AVEN: variants seen among roughly 807,000 people sequenced by gnomAD.
AVEN encodes the protein cell death regulator Aven.
Under a neutral mutation model 38.1 loss-of-function variants are expected in AVEN, and 41 were observed. That is an observed-to-expected ratio of 1.08 (90% CI 0.84 to 1.40). The LOEUF (loss-of-function observed/expected upper bound fraction) is 1.40, where lower values mean the gene tolerates loss of function less well. Ranked by LOEUF, AVEN falls within the 40% of genes most tolerant of loss-of-function variation. The pLI, the probability that AVEN is intolerant of heterozygous loss-of-function variation, is 0.00. For missense variants in AVEN, 605 were observed against 438.8 expected, an observed-to-expected ratio of 1.38 and a Z score of -3.38; for synonymous variants, 206 against 171.8, an observed-to-expected ratio of 1.20 and a Z score of -1.56.
At chr15:33,855,347 G>C (rs1211874738), downstream of AVEN, among the ~76,000 whole-genome samples, 1 of 152,206 alleles carries the variant, frequency 6.6e-6, no homozygotes, top group African/African-American at 2.4e-5. Context: ...GGGATTACAG[G>C]CACATGCCAC....
intron 1 of AVEN, among the ~76,000 whole-genome samples, chr15:34,021,532 C>A (rs945217417): frequency 6.6e-6 from 1 of 152,060 alleles, no homozygotes; most frequent in East Asian, 1.9e-4. Flanking sequence ...TGAGCCACCG[C>A]GCCTGGCTTA....
At chr15:33,978,477 A>T (rs1016383223) in intron 2 of AVEN, among the ~76,000 whole-genome samples, 1 of 152,158 alleles carries the variant, frequency 6.6e-6, no homozygotes, top group Admixed American at 6.5e-5. Context: ...CAGCCTGATC[A>T]ACATGGTGAA....
At chr15:34,029,704 T>A (rs947900808) in intron 1 of AVEN, among the ~76,000 whole-genome samples, 4 of 152,166 alleles carry the variant, frequency 2.6e-5, no homozygotes, top group African/African-American at 9.7e-5. Context: ...AGAATAATAC[T>A]CATTTTTTCA....
intron 2 of AVEN, among the ~76,000 whole-genome samples, chr15:33,952,685 A>G (rs1285888050): frequency 2.0e-5 from 3 of 152,174 alleles, no homozygotes; most frequent in Non-Finnish European, 2.9e-5. Context: ...AGATTGTTGA[A>G]CTAGATGTGG....
At chr15:34,053,103 G>T (rs578157646) in intron 5 of AVEN, among the ~76,000 whole-genome samples, 2 of 151,364 alleles carry the variant, frequency 1.3e-5, no homozygotes, top group African/African-American at 2.4e-5. Flanking sequence ...AATTTGAGAC[G>T]AGCCTAGCCA....
At chr15:33,939,146 T>A (rs1894215488) in intron 2 of AVEN, among the ~76,000 whole-genome samples, 1 of 152,218 alleles carries the variant, frequency 6.6e-6, no homozygotes, top group Admixed American at 6.5e-5. Flanking sequence ...CGGCCACACC[T>A]ATTTCTTTCA....
chr15:33,864,393 A>G (rs920962292), downstream of AVEN, among the ~76,000 whole-genome samples: 1 of 152,342 alleles, frequency 6.6e-6, no homozygotes, highest in African/African-American at 2.4e-5. Context: ...CTAAATGCTT[A>G]TAGCTACTGC....
rs546958609 is a variant in AVEN at position 34,070,538 on chromosome 15, A to G, written n.784+50T>C. 4.6e-5 allele frequency among the ~76,000 whole-genome samples: 7 copies of G among 152,204 alleles called. No individual in the cohort carries two copies. The South Asian group carries it at 8.3e-4, about 18-fold the overall frequency. ...TTACATAGTGATGACTACTTACCAA[A>G]CAGCCACTCCTCTGGCCCTCAGTCT... On this transcript the variant is annotated intron_variant and non_coding_transcript_variant, in intron 2 of 11. Transcript: ENST00000675287.
At position 33,961,572 on chromosome 15, in the gene AVEN, G is replaced by A. The variant is rs778060243; in HGVS notation, c.445+41460C>T. On this transcript the variant is annotated intron_variant, in intron 2 of 5. Coordinates refer to ENST00000306730, the MANE Select transcript of AVEN (RefSeq NM_020371.3). Reference sequence around the variant, plus strand: ...CTCATGCCTGTAATCCCAGCACTTTGGGAGGCCAAGGTGGGCGAATCACGA... The same window carrying A: ...CTCATGCCTGTAATCCCAGCACTTTAGGAGGCCAAGGTGGGCGAATCACGA... Among the ~76,000 whole-genome samples, 133 of 152,000 alleles carry A rather than the reference G, an allele frequency of 8.8e-4. 1 individual carries two copies. The highest frequency in any genetic ancestry group is 1.6e-3 in the Non-Finnish European group (107 of 67,948).
chr15:33,933,006 T>C (rs1001341688), intron 2 of AVEN, among the ~76,000 whole-genome samples: 1 of 89,674 alleles, frequency 1.1e-5, no homozygotes, highest in African/African-American at 3.0e-5. Flanking sequence ...TTCTGGTATA[T>C]GTGGGAGAAG....
intron 1 of AVEN, among the ~76,000 whole-genome samples, chr15:34,027,243 C>T (rs1898521129): frequency 6.6e-6 from 1 of 152,088 alleles, no homozygotes; most frequent in East Asian, 1.9e-4. Context: ...AATGAACAGC[C>T]TCGGCTCATA....
chr15:34,056,437 G>C (rs1394250167), intron 5 of AVEN, among the ~76,000 whole-genome samples: 1 of 152,230 alleles, frequency 6.6e-6, no homozygotes, highest in Non-Finnish European at 1.5e-5. Context: ...AGAAAGGCTA[G>C]ATAAGCTAAG....
chr15:34,029,466 A>G (rs1446903721), intron 1 of AVEN, among the ~76,000 whole-genome samples: 1 of 142,616 alleles, frequency 7.0e-6, no homozygotes, highest in Non-Finnish European at 1.5e-5. Flanking sequence ...GGATCACTTG[A>G]GTCCAGGAGT....
intron 1 of AVEN, among the ~76,000 whole-genome samples, chr15:34,028,874 A>C (rs1898625739): frequency 6.6e-6 from 1 of 152,168 alleles, no homozygotes; most frequent in Admixed American, 6.5e-5. Flanking sequence ...ACCTGAAAGA[A>C]AGAGGAAAAA....
In AVEN at chr15:33,888,754, T is replaced by G. The variant is rs562201942; in HGVS notation, c.446-12759A>C. Among the ~76,000 whole-genome samples, 82 of 151,904 alleles carry G rather than the reference T, an allele frequency of 5.4e-4. 1 individual carries two copies. Among genetic ancestry groups the G allele is most frequent in the South Asian group, 5.2e-3 (25 of 4,796 alleles). On this transcript the variant is annotated intron_variant, in intron 2 of 5. Coordinates refer to ENST00000306730, the MANE Select transcript of AVEN (RefSeq NM_020371.3). Reference sequence around the variant, plus strand: ...GGAAAATACTTTTGGAATTCTTTTTTTGTGTGTGTGTGTGTGAGATGGAGT... The same window carrying G: ...GGAAAATACTTTTGGAATTCTTTTTGTGTGTGTGTGTGTGTGAGATGGAGT...
chr15:33,962,145 A>G (rs1381748309), intron 2 of AVEN, among the ~76,000 whole-genome samples: 1 of 152,204 alleles, frequency 6.6e-6, no homozygotes, highest in Non-Finnish European at 1.5e-5. Flanking sequence ...GAAAAAACAA[A>G]GTAAGGTTAA....
At chr15:33,911,505 G>C (rs1454079268) in intron 2 of AVEN, among the ~76,000 whole-genome samples, 1 of 152,030 alleles carries the variant, frequency 6.6e-6, no homozygotes, top group Non-Finnish European at 1.5e-5. Context: ...GCAATGCCCG[G>C]AAAAAGAGGT....
At chr15:34,025,758 G>A (rs192422357) in intron 1 of AVEN, among the ~76,000 whole-genome samples, 29 of 150,324 alleles carry the variant, frequency 1.9e-4, no homozygotes, top group African/African-American at 6.8e-4. Context: ...TTGGTTTTGC[G>A]TGTGTGTGTG....
chr15:33,921,502 G>C (rs1283639359), intron 2 of AVEN, among the ~76,000 whole-genome samples: 2 of 152,198 alleles, frequency 1.3e-5, no homozygotes, highest in African/African-American at 4.8e-5. Context: ...AGGCACACTT[G>C]AGGTAGAGGC....
Sources: allele counts gnomAD v4.1 joint callset (sites outside exome capture counted in the v4.1 genomes callset), GRCh38; gene constraint gnomAD v4.1.1; transcripts MANE v1.5; gene names NCBI Gene and HGNC (gene_info 2026-07-23, HGNC 2026-07-21).